The following ZNF431 variants were observed in gnomAD, a reference collection of about 807,000 sequenced individuals.
The protein encoded by ZNF431 is zinc finger protein 431.
A neutral mutation model predicts 57.0 loss-of-function variants in ZNF431; 34 were observed. The ratio of observed to expected loss-of-function variants is 0.60; its 90% CI spans 0.45 to 0.79. The LOEUF is 0.79. ZNF431 is among the 30% of genes least tolerant of loss of function. The pLI is 0.00. For missense variants in ZNF431, 607 were observed against 667.1 expected (o/e 0.91, Z 0.99); for synonymous variants, 207 against 220.3 (o/e 0.94, Z 0.54).
At chr19:21,173,482 G>C (rs1024876753) in intron 4 of ZNF431, among the ~76,000 whole-genome samples, 6 of 151,928 alleles carry the variant, frequency 3.9e-5, no homozygotes, top group Non-Finnish European at 7.4e-5. Context: ...TAAACATATA[G>C]TATAGTGGCC....
In ZNF431 at chr19:21,182,845, A is replaced by G. The variant is rs1452967533; in HGVS notation, c.542A>G (p.Tyr181Cys). ...TQSKIFPCDKYVKVFHKFLNA... is the reference protein window; with the variant it reads ...TQSKIFPCDKCVKVFHKFLNA... ...AGCAAAATATTTCCATGTGATAAATATGTGAAAGTCTTTCATAAATTTTTA... is the reference window on the plus strand; with the variant it reads ...AGCAAAATATTTCCATGTGATAAATGTGTGAAAGTCTTTCATAAATTTTTA... The change falls in exon 5 of 5, where the codon TAT becomes TGT. Residue 181 changes from tyrosine (Y) to cysteine (C), a missense_variant. Tyr to Cys is a radical substitution (Grantham distance 194, BLOSUM62 -2). Transcript: ENST00000311048. 3 of 1,614,020 alleles carry G rather than the reference A, an allele frequency of 1.9e-6. No individual in the cohort carries two copies. The Admixed American group carries it at 5.0e-5, about 27-fold the overall frequency.
chr19:21,173,591 C>A (rs975526533), intron 4 of ZNF431, among the ~76,000 whole-genome samples: 2 of 152,094 alleles, frequency 1.3e-5, no homozygotes, highest in East Asian at 3.9e-4. Context: ...GCAATTGGCA[C>A]GATGGCTCAC....
chr19:21,186,002 C>T lies in ZNF431; in HGVS notation c.*1968C>T, dbSNP rs995267958. On this transcript the variant is annotated 3_prime_UTR_variant, in exon 5 of 5. Transcript: ENST00000311048. ...AATTCTTAATAAATATTTTCTCATG[C>T]CAGGTGTGGTGGCTCACGTCTGTAA... The T allele has an allele frequency of 6.6e-6, 1 of 152,018 alleles. No homozygotes were observed. Among genetic ancestry groups the T allele is most frequent in the Admixed American group, 6.6e-5 (1 of 15,258 alleles). The allele number at this position is 152,018 out of a possible 1,614,324, so 9.4% of individuals were successfully genotyped here.
chr19:21,193,806 A>G lies in ZNF431; in HGVS notation c.*9772A>G, dbSNP rs1041631712. 2.0e-5 allele frequency: 3 copies of G among 152,210 alleles called. No individual in the cohort carries two copies. The highest frequency in any genetic ancestry group is 2.9e-5 in the Non-Finnish European group (2 of 68,038). 9.4% of individuals were successfully genotyped at this position (152,210 alleles called of 1,614,324 possible). A position where few individuals can be genotyped will look rare whatever the true frequency, so the allele number is the denominator to read the frequency against. On this transcript the variant is annotated 3_prime_UTR_variant, in exon 5 of 5. Transcript: ENST00000311048. Reference sequence around the variant, plus strand: ...AAAATTTATATGATTAACACAATAGATGCAGAAAAAGCATTCAAGAAAATC... The same window carrying G: ...AAAATTTATATGATTAACACAATAGGTGCAGAAAAAGCATTCAAGAAAATC...
intron 2 of ZNF431, among the ~76,000 whole-genome samples, chr19:21,166,043 A>G (rs17447970): frequency 0.013 from 1,969 of 152,320 alleles, 39 homozygotes; most frequent in South Asian, 0.048. Context: ...TGATGTAAGT[A>G]TAGCACTCAA....
At position 21,142,224 on chromosome 19, in the gene ZNF431, G is replaced by A. The variant is rs1343561345; in HGVS notation, c.3+38G>A. On this transcript the variant is annotated intron_variant, in intron 1 of 4. Transcript: ENST00000311048. Reference sequence around the variant, plus strand: ...GGTCGGACATCCCGAGAGAGGGGAAGGGCTGGTTGTAACCGGTGGGAAGTG... The same window carrying A: ...GGTCGGACATCCCGAGAGAGGGGAAAGGCTGGTTGTAACCGGTGGGAAGTG... 3 of 1,612,882 alleles carry A rather than the reference G, an allele frequency of 1.9e-6. No individual in the cohort carries two copies. In the African/African-American group the frequency reaches 4.0e-5, roughly 22 times the overall value.
rs1379358163 is a variant in ZNF431, at chr19:21,192,025, A to T, written c.*7991A>T. 3 of 152,158 alleles carry T rather than the reference A, an allele frequency of 2.0e-5. No homozygotes were observed. The highest frequency in any genetic ancestry group is 7.2e-5 in the African/African-American group (3 of 41,444). The allele number at this position is 152,158 out of a possible 1,614,324, so 9.4% of individuals were successfully genotyped here. On this transcript the variant is annotated 3_prime_UTR_variant, in exon 5 of 5. Transcript: ENST00000311048. ...TCTATTTAGAATGTAAGGCGTTTCA[A>T]CTTTTTGGTTAAATTTATTTCAAAC... is the stretch of plus-strand genomic sequence containing the variant.
intron 4 of ZNF431, among the ~76,000 whole-genome samples, chr19:21,177,221 AG>A (rs1190283670): frequency 6.6e-6 from 1 of 152,170 alleles, no homozygotes; most frequent in Non-Finnish European, 1.5e-5. Context: ...CATAAGAAAG[AG>A]GTCCAATTTC....
Position 21,190,938 on chromosome 19 carries a change from G to A in ZNF431, c.*6904G>A, listed in dbSNP as rs7257196. ...CCCAAAGTGCTGAGATTACAGGCAT[G>A]AGCCACCGCGTCCGGCCTATTATTT... is the stretch of plus-strand genomic sequence containing the variant. On this transcript the variant is annotated 3_prime_UTR_variant, in exon 5 of 5. Coordinates refer to ENST00000311048, the MANE Select transcript of ZNF431 (RefSeq NM_133473.4). 0.6 allele frequency: 90,764 copies of A among 151,802 alleles called. 27,478 individuals carry two copies. The highest frequency in any genetic ancestry group is 0.8 in the Middle Eastern group (236 of 294). The allele number at this position is 151,802 out of a possible 1,614,324, so 9.4% of individuals were successfully genotyped here.
At chr19:21,177,210 G>A (rs190886544) in intron 4 of ZNF431, among the ~76,000 whole-genome samples, 1 of 152,122 alleles carries the variant, frequency 6.6e-6, no homozygotes, top group East Asian at 1.9e-4. Flanking sequence ...TTTTTTATAG[G>A]CATAAGAAAG....
At chr19:21,177,584 T>C (rs1464197195) in intron 4 of ZNF431, among the ~76,000 whole-genome samples, 4 of 151,994 alleles carry the variant, frequency 2.6e-5, no homozygotes, top group Non-Finnish European at 5.9e-5. Context: ...GTCAGGAGTT[T>C]GAGAAAAGCC....
In ZNF431 at chr19:21,190,490, ACTTTTTT is replaced by A. The variant is rs879871008; in HGVS notation, c.*6463_*6469del. On this transcript the variant is annotated 3_prime_UTR_variant, in exon 5 of 5. Coordinates refer to ENST00000311048, the MANE Select transcript of ZNF431 (RefSeq NM_133473.4). ...CCGTTTTCTTCACATCTTTACCAAC[ACTTTTTT>A]CTTTTTCTTTTAATAAGAGTTATTC... 2.6e-5 allele frequency: 4 copies of A among 151,018 alleles called. No individual in the cohort carries two copies. Among genetic ancestry groups the A allele is most frequent in the East Asian group, 1.9e-4 (1 of 5,148 alleles). The allele number at this position is 151,018 out of a possible 1,614,324, so 9.4% of individuals were successfully genotyped here. A position where few individuals can be genotyped will look rare whatever the true frequency, so the allele number is the denominator to read the frequency against.
rs1460799919 is a variant in ZNF431, at chr19:21,188,391, A to T, written c.*4357A>T. Reference sequence around the variant, plus strand: ...GTGGCAAATATAAAACTTGCTTGAAAATACAGAAATTAAATTTTTAAGAGA... The same window carrying T: ...GTGGCAAATATAAAACTTGCTTGAATATACAGAAATTAAATTTTTAAGAGA... On this transcript the variant is annotated 3_prime_UTR_variant, in exon 5 of 5. Coordinates refer to ENST00000311048, the MANE Select transcript of ZNF431 (RefSeq NM_133473.4). 1 of 152,234 alleles carries T rather than the reference A, an allele frequency of 6.6e-6. No homozygotes were observed. Among genetic ancestry groups the T allele is most frequent in the Non-Finnish European group, 1.5e-5 (1 of 68,044 alleles). The allele number at this position is 152,234 out of a possible 1,614,324, so 9.4% of individuals were successfully genotyped here.
At chr19:21,158,302 A>G (rs1348840822) in intron 2 of ZNF431, among the ~76,000 whole-genome samples, 1 of 152,024 alleles carries the variant, frequency 6.6e-6, no homozygotes, top group African/African-American at 2.4e-5. Context: ...GGTTCAAGCT[A>G]TTCTCCTGCC....
chr19:21,170,890 GTCTCGAAC>G (rs1166781387), intron 4 of ZNF431, among the ~76,000 whole-genome samples: 1 of 152,110 alleles, frequency 6.6e-6, no homozygotes, highest in African/African-American at 2.4e-5. Flanking sequence ...GGCCAGGCTG[GTCTCGAAC>G]TCCTGACCTT....
chr19:21,145,409 G>A (rs186360286), intron 2 of ZNF431, among the ~76,000 whole-genome samples: 10 of 152,156 alleles, frequency 6.6e-5, no homozygotes, highest in Non-Finnish European at 1.2e-4. Context: ...CCCGAGAGGC[G>A]GAGCTTACAG....
rs1971431887 is a variant in ZNF431 at position 21,188,518 on chromosome 19, A to G, written c.*4484A>G. On this transcript the variant is annotated 3_prime_UTR_variant, in exon 5 of 5. Transcript: ENST00000311048. ...TCTTTTATTTTTAAGTGTGAGTGTTAAAGGTTACAAAATAATGAAATGACT... is the reference window on the plus strand; with the variant it reads ...TCTTTTATTTTTAAGTGTGAGTGTTGAAGGTTACAAAATAATGAAATGACT... 1 of 152,170 alleles carries G rather than the reference A, an allele frequency of 6.6e-6. No individual in the cohort carries two copies. Among genetic ancestry groups the G allele is most frequent in the Admixed American group, 6.5e-5 (1 of 15,274 alleles). The allele number at this position is 152,170 out of a possible 1,614,324, so 9.4% of individuals were successfully genotyped here.
chr19:21,177,198 A>G (rs1971081054), intron 4 of ZNF431, among the ~76,000 whole-genome samples: 1 of 152,034 alleles, frequency 6.6e-6, no homozygotes, highest in South Asian at 2.1e-4. Flanking sequence ...ATCTTGAGTT[A>G]ATTTTTTATA....
chr19:21,184,414 C>T lies in ZNF431; in HGVS notation c.*380C>T, dbSNP rs1971310508. The T allele has an allele frequency of 6.2e-6, 1 of 160,826 alleles. No homozygotes were observed. Among genetic ancestry groups the T allele is most frequent in the Non-Finnish European group, 1.4e-5 (1 of 73,084 alleles). The allele number at this position is 160,826 out of a possible 1,614,324, so 10.0% of individuals were successfully genotyped here. A position where few individuals can be genotyped will look rare whatever the true frequency, so the allele number is the denominator to read the frequency against. On this transcript the variant is annotated 3_prime_UTR_variant, in exon 5 of 5. Transcript: ENST00000311048. ...AAACATGGCAAAGCCTTTAAGAAGC[C>T]CTCAATTCTTAACAGACATAAGATA... is the stretch of plus-strand genomic sequence containing the variant.
Sources: gnomAD v4.1 joint callset for allele counts (sites outside exome capture counted in the v4.1 genomes callset) on GRCh38, gnomAD v4.1.1 for gene constraint, MANE v1.5 for transcripts, NCBI Gene and HGNC (gene_info 2026-07-23, HGNC 2026-07-21) for gene names.